The following KLF5 variants were observed in gnomAD, a reference collection of about 807,000 sequenced individuals.
KLF5 encodes the protein KLF transcription factor 5, also known as Krueppel-like factor 5.
In KLF5, 9 loss-of-function variants were observed where a neutral mutation model predicts 36.9. The ratio of observed to expected loss-of-function variants is 0.24; its 90% CI spans 0.15 to 0.43. The LOEUF (loss-of-function observed/expected upper bound fraction) is 0.43. Among genes scored for constraint, KLF5 ranks in the 20% least tolerant of loss-of-function variants. The probability of loss-of-function intolerance (pLI) is 1.00; values close to 1 mark genes in which losing one functional copy is unlikely to be tolerated. For missense variants in KLF5, 524 were observed against 599.5 expected, an observed-to-expected ratio of 0.87 and a Z score of 1.31; for synonymous variants, 246 against 241.7, an observed-to-expected ratio of 1.02 and a Z score of -0.17.
At position 73,075,908 on chromosome 13, in the gene KLF5, C is replaced by T. The variant is rs758143294; in HGVS notation, c.*22C>T. The T allele has an allele frequency of 5.9e-6, 9 of 1,517,616 alleles. No homozygotes were observed. Among genetic ancestry groups the T allele is most frequent in the South Asian group, 1.2e-5 (1 of 80,072 alleles). The allele number at this position is 1,517,616 out of a possible 1,614,324, so 94.0% of individuals were successfully genotyped here. The stretch of plus-strand genomic sequence containing the variant: ...CTGAGCACTGCCCGTGTGACCCGTT[C>T]CAGGTCCCCTGGGCTCCCTCAAATG... On this transcript the variant is annotated 3_prime_UTR_variant, in exon 4 of 4. Coordinates refer to ENST00000377687, the MANE Select transcript of KLF5 (RefSeq NM_001730.5).
chr13:73,069,729 T>G (rs1432611559), intron 3 of KLF5, among the ~76,000 whole-genome samples: 2 of 152,236 alleles, frequency 1.3e-5, no homozygotes, highest in Admixed American at 6.5e-5. Flanking sequence ...AGGAAATTGA[T>G]TAAACATTGT....
rs752481301 is a variant in KLF5, at chr13:73,075,799, C to T, written c.1287C>T (p.Gly429=). The change falls in exon 4 of 4, where the codon GGC becomes GGT. Residue 429 remains glycine, a synonymous_variant. Coordinates refer to ENST00000377687, the MANE Select transcript of KLF5 (RefSeq NM_001730.5). Reference sequence around the variant, plus strand: ...CCCGCCACTACCGGAAGCACACAGGCGCCAAGCCCTTCCAGTGCGGGGTGT... The same window carrying T: ...CCCGCCACTACCGGAAGCACACAGGTGCCAAGCCCTTCCAGTGCGGGGTGT... ...ELTRHYRKHT[G]AKPFQCGVCN... 1.2e-5 allele frequency: 19 copies of T among 1,613,532 alleles called. No individual in the cohort carries two copies. Among genetic ancestry groups the T allele is most frequent in the African/African-American group, 9.3e-5 (7 of 74,888 alleles).
intron 2 of KLF5, among the ~76,000 whole-genome samples, chr13:73,063,206 A>C (rs1413024035): frequency 1.3e-5 from 2 of 152,214 alleles, no homozygotes; most frequent in African/African-American, 4.8e-5. Context: ...GCAGGCAGCT[A>C]GCTTGATGTT....
chr13:73,072,222 A>G (rs1566566470), intron 3 of KLF5, among the ~76,000 whole-genome samples: 4 of 151,590 alleles, frequency 2.6e-5, no homozygotes, highest in Non-Finnish European at 5.9e-5. Context: ...AGTCATTCAG[A>G]GGGGGGAAAA....
intron 3 of KLF5, among the ~76,000 whole-genome samples, chr13:73,064,626 C>T (rs1312805120): frequency 6.6e-6 from 1 of 152,146 alleles, no homozygotes; most frequent in African/African-American, 2.4e-5. Flanking sequence ...TCACTGCAAC[C>T]TCTGCCTCCC....
intron 2 of KLF5, among the ~76,000 whole-genome samples, chr13:73,063,509 T>A (rs2044655830): frequency 6.6e-6 from 1 of 152,198 alleles, no homozygotes; most frequent in Non-Finnish European, 1.5e-5. Flanking sequence ...GCCATTAAAA[T>A]TTTTAAAAAA....
Position 73,075,884 on chromosome 13 carries a change from T to A in KLF5, c.1372T>A (p.Ter458ArgextTer5), listed in dbSNP as rs2044756994. The change falls in exon 4 of 4, where the codon TGA becomes AGA. Residue 458 changes from the stop codon to arginine, a stop_lost. Transcript: ENST00000377687. ...LALHMKRHQN* is the reference protein window; with the variant it reads ...LALHMKRHQNR ...CCTGCATATGAAGAGGCACCAGAAC[T>A]GAGCACTGCCCGTGTGACCCGTTCC... The A allele has an allele frequency of 6.3e-7, 1 of 1,582,270 alleles. No individual in the cohort carries two copies. Among genetic ancestry groups the A allele is most frequent in the Admixed American group, 1.7e-5 (1 of 59,504 alleles).
chr13:73,066,490 A>G (rs1232436489), intron 3 of KLF5, among the ~76,000 whole-genome samples: 2 of 152,200 alleles, frequency 1.3e-5, no homozygotes, highest in Non-Finnish European at 2.9e-5. Flanking sequence ...ATGACATAAA[A>G]TACTCTTTAA....
At chr13:73,060,664 G>A (rs1435674892) in intron 1 of KLF5, 2 of 152,148 alleles carry the variant, frequency 1.3e-5, no homozygotes, top group East Asian at 3.8e-4. Context: ...CCACACCAAG[G>A]TCCGAGATGA....
upstream of KLF5, among the ~76,000 whole-genome samples, chr13:73,057,381 A>T (rs183959231): frequency 2.8e-3 from 383 of 134,524 alleles, 5 homozygotes; most frequent in Admixed American, 0.027. Context: ...AAAGATGAAG[A>T]TGGACAGCAT....
At chr13:73,072,954 CTT>C (rs1480907639) in intron 3 of KLF5, among the ~76,000 whole-genome samples, 1 of 152,122 alleles carries the variant, frequency 6.6e-6, no homozygotes, top group African/African-American at 2.4e-5. Flanking sequence ...AAACTTGTCA[CTT>C]TTTTCTTTTT....
intron 3 of KLF5, among the ~76,000 whole-genome samples, chr13:73,074,483 G>A (rs1028428212): frequency 3.3e-5 from 5 of 152,090 alleles, no homozygotes; most frequent in African/African-American, 7.2e-5. Flanking sequence ...TTTATCTCAC[G>A]AATTCTTATA....
At chr13:73,056,072 A>G (rs2044581488), upstream of KLF5, among the ~76,000 whole-genome samples, 1 of 151,728 alleles carries the variant, frequency 6.6e-6, no homozygotes, top group African/African-American at 2.4e-5. Context: ...ATTTTTTTCC[A>G]CTGCCTCCTT....
intron 3 of KLF5, among the ~76,000 whole-genome samples, chr13:73,075,335 G>C (rs1394608001): frequency 6.6e-6 from 1 of 152,066 alleles, no homozygotes; most frequent in African/African-American, 2.4e-5. Flanking sequence ...TATAGAAACT[G>C]TATTTGCACA....
At chr13:73,069,811 A>T (rs2044709839) in intron 3 of KLF5, among the ~76,000 whole-genome samples, 1 of 152,244 alleles carries the variant, frequency 6.6e-6, no homozygotes, top group Non-Finnish European at 1.5e-5. Context: ...GGTTTTGTGG[A>T]GAATCCAAAG....
intron 3 of KLF5, among the ~76,000 whole-genome samples, chr13:73,072,234 A>G (rs1241434857): frequency 1.3e-5 from 2 of 152,196 alleles, no homozygotes; most frequent in Non-Finnish European, 2.9e-5. Flanking sequence ...GGGGGAAAAA[A>G]AAGGACAATT....
upstream of KLF5, among the ~76,000 whole-genome samples, chr13:73,057,418 G>C (rs1025359456): frequency 1.3e-5 from 2 of 152,176 alleles, no homozygotes; most frequent in African/African-American, 4.8e-5. Context: ...AGAAAAACTT[G>C]CAAAAGCACT....
chr13:73,062,398 A>G lies in KLF5; in HGVS notation c.799A>G (p.Thr267Ala). Residue 267 changes from threonine (T) to alanine (A), a missense_variant, in exon 2 of 4, where the codon ACC (threonine) becomes GCC (alanine). Physicochemically the swap from Thr to Ala is moderately conservative, Grantham distance 58 (BLOSUM62 0). Around this residue, in one of 4 missense-constraint regions of KLF5, gnomAD observed 454 missense variants for 458.1 expected, o/e 0.99. Coordinates refer to ENST00000377687, the MANE Select transcript of KLF5 (RefSeq NM_001730.5). The stretch of plus-strand genomic sequence containing the variant: ...TGCCATGGCAGGCCTTAACACACAC[A>G]CCTCTGCTGTTCCGCAGACTGCAGT... ...SAAMAGLNTH[T>A]SAVPQTAVKQ... The G allele has an allele frequency of 6.2e-7, 1 of 1,613,756 alleles. No homozygotes were observed. The highest frequency in any genetic ancestry group is 8.5e-7 in the Non-Finnish European group (1 of 1,179,930).
At chr13:73,056,290 C>A (rs1026471364), upstream of KLF5, among the ~76,000 whole-genome samples, 1 of 152,190 alleles carries the variant, frequency 6.6e-6, no homozygotes, top group African/African-American at 2.4e-5. Flanking sequence ...CCCTCAGAAT[C>A]CCCTGTTTTG....
Sources: allele counts gnomAD v4.1 joint callset (sites outside exome capture counted in the v4.1 genomes callset), GRCh38; gene constraint gnomAD v4.1.1; regional missense constraint gnomAD v4.1.1; transcripts MANE v1.5; gene names NCBI Gene and HGNC (gene_info 2026-07-23, HGNC 2026-07-21).